Variants in FOXP2 observed in about 807,000 individuals in gnomAD.
FOXP2 encodes forkhead box P2, also known as forkhead box protein P2.
A neutral mutation model predicts 115.8 loss-of-function variants in FOXP2; 12 were observed. The ratio of observed to expected loss-of-function variants is 0.10; its 90% CI spans 0.07 to 0.17. FOXP2 has a LOEUF of 0.17. FOXP2 is among the 10% of genes least tolerant of loss of function. The pLI, the probability that FOXP2 is intolerant of heterozygous loss-of-function variation, is 1.00. For synonymous variants in FOXP2, 328 were observed against 297.7 expected (o/e 1.10, Z -1.05); for missense variants, 629 against 843.5 (o/e 0.75, Z 3.15).
chr7:114,328,594 C>T (rs957603043), intron 2 of FOXP2, among the ~76,000 whole-genome samples: 1 of 152,122 alleles, frequency 6.6e-6, no homozygotes, highest in African/African-American at 2.4e-5. Context: ...CAATAATAAT[C>T]CTTATAATGG....
chr7:114,137,888 A>G lies in FOXP2; in HGVS notation c.-246-25056A>G, dbSNP rs563308477. 6.0e-4 allele frequency among the ~76,000 whole-genome samples: 92 copies of G among 152,310 alleles called. 1 individual carries two copies. The highest frequency in any genetic ancestry group is 6.8e-3 in the Middle Eastern group (2 of 294). On this transcript the variant is annotated intron_variant, in intron 1 of 19. Coordinates refer to the FOXP2 transcript ENST00000635638. ...CTTGTCCTGCCAACTGAGAGGGCCTAGAAGCAACAGACATTAGTAGTGGCC... is the reference window on the plus strand; with the variant it reads ...CTTGTCCTGCCAACTGAGAGGGCCTGGAAGCAACAGACATTAGTAGTGGCC...
chr7:114,655,747 A>G (rs1156765084), intron 10 of FOXP2, among the ~76,000 whole-genome samples: 6 of 152,160 alleles, frequency 3.9e-5, no homozygotes, highest in Admixed American at 6.6e-5. Context: ...CCAAGGAGAA[A>G]TGAGCTCTGT....
At chr7:114,469,184 T>C (rs1795937442) in intron 2 of FOXP2, among the ~76,000 whole-genome samples, 1 of 152,162 alleles carries the variant, frequency 6.6e-6, no homozygotes, top group African/African-American at 2.4e-5. Flanking sequence ...GTTTTATAAA[T>C]GGAAGATCTA....
At chr7:114,672,197 A>T (rs1343122577) in intron 16 of FOXP2, among the ~76,000 whole-genome samples, 2 of 152,158 alleles carry the variant, frequency 1.3e-5, no homozygotes, top group Non-Finnish European at 2.9e-5. Flanking sequence ...ATCTTACTAT[A>T]AAAAAATGTA....
At chr7:114,220,763 C>T (rs917892628) in intron 1 of FOXP2, among the ~76,000 whole-genome samples, 1 of 152,142 alleles carries the variant, frequency 6.6e-6, no homozygotes, top group African/African-American at 2.4e-5. Flanking sequence ...GTTAAATACT[C>T]ACTTTAATTG....
intron 3 of FOXP2, among the ~76,000 whole-genome samples, chr7:114,549,517 T>A (rs1379692996): frequency 6.6e-6 from 1 of 152,210 alleles, no homozygotes; most frequent in African/African-American, 2.4e-5. Flanking sequence ...GTGAGGTCTC[T>A]ATGCTATATG....
chr7:114,287,223 A>G (rs1796487991), intron 1 of FOXP2, among the ~76,000 whole-genome samples: 1 of 151,934 alleles, frequency 6.6e-6, no homozygotes, highest in African/African-American at 2.4e-5. Context: ...CATAAAATAC[A>G]CTAACACTAA....
chr7:114,319,304 C>T lies in FOXP2; in HGVS notation c.-11+31195C>T, dbSNP rs545345811. ...CTGCCTTTGTGTTCTCCTCAGCTTCCTGGGGAAGCCCACAGTTCTTCAGAT... is the reference window on the plus strand; with the variant it reads ...CTGCCTTTGTGTTCTCCTCAGCTTCTTGGGGAAGCCCACAGTTCTTCAGAT... On this transcript the variant is annotated intron_variant, in intron 2 of 17. Coordinates refer to the FOXP2 transcript ENST00000634411. 6.6e-5 allele frequency among the ~76,000 whole-genome samples: 10 copies of T among 152,310 alleles called. No homozygotes were observed. In the East Asian group the frequency reaches 1.9e-3, roughly 29 times the overall value.
Position 114,631,710 on chromosome 7 carries a change from A to G in FOXP2, c.775+5A>G, listed in dbSNP as rs368798770. On this transcript the variant is annotated splice_donor_5th_base_variant and intron_variant, in intron 6 of 16. Transcript: ENST00000350908. ...CTGTCCAATCGCTGCCTCAAGGTAC[A>G]TACAAAATGTTGTGCACTCTTCATT... The G allele has an allele frequency of 5.0e-6, 8 of 1,613,884 alleles. No individual in the cohort carries two copies. The highest frequency in any genetic ancestry group is 1.1e-5 in the South Asian group (1 of 91,070).
chr7:114,221,941 T>A (rs959255013), intron 1 of FOXP2, among the ~76,000 whole-genome samples: 9 of 152,124 alleles, frequency 5.9e-5, no homozygotes, highest in African/African-American at 2.2e-4. Context: ...AGCCACTGAC[T>A]GCTTGTTTAT....
intron 2 of FOXP2, among the ~76,000 whole-genome samples, chr7:114,429,394 A>G (rs936636283): frequency 6.6e-6 from 1 of 151,538 alleles, no homozygotes; most frequent in African/African-American, 2.4e-5. Flanking sequence ...TTTAAAAAAA[A>G]GCCTTTTCTG....
At chr7:114,590,273 C>A (rs1036620881) in intron 3 of FOXP2, among the ~76,000 whole-genome samples, 1 of 152,098 alleles carries the variant, frequency 6.6e-6, no homozygotes, top group Non-Finnish European at 1.5e-5. Flanking sequence ...AAAAATATAA[C>A]CCAAAGAAAT....
At chr7:114,254,153 A>C (rs140776177) in intron 1 of FOXP2, among the ~76,000 whole-genome samples, 140,520 of 152,222 alleles carry the variant, frequency 0.92, 65,312 homozygotes, top group African/African-American at 0.98. Context: ...GAGTTTCTGC[A>C]GAGAGATCTG....
At chr7:114,235,216 T>G (rs1794980427) in intron 1 of FOXP2, among the ~76,000 whole-genome samples, 1 of 152,216 alleles carries the variant, frequency 6.6e-6, no homozygotes. Flanking sequence ...AATGTTTTTA[T>G]ACTGTTCTTA....
At chr7:114,204,400 A>G (rs1034185409) in intron 1 of FOXP2, among the ~76,000 whole-genome samples, 11 of 152,154 alleles carry the variant, frequency 7.2e-5, no homozygotes, top group Admixed American at 3.3e-4. Context: ...ACTAGTGGCT[A>G]CTATATTGGA....
intron 2 of FOXP2, among the ~76,000 whole-genome samples, chr7:114,369,952 G>A (rs1791964081): frequency 6.6e-6 from 1 of 152,086 alleles, no homozygotes; most frequent in Non-Finnish European, 1.5e-5. Flanking sequence ...ATTAGATGTT[G>A]TAAGTATTAT....
chr7:114,663,161 A>G (rs1034365331), intron 14 of FOXP2, among the ~76,000 whole-genome samples: 7 of 152,150 alleles, frequency 4.6e-5, no homozygotes, highest in Non-Finnish European at 2.9e-5. Context: ...CTTGCAAATG[A>G]AACCTTCACA....
intron 1 of FOXP2, among the ~76,000 whole-genome samples, chr7:114,152,807 C>G (rs932768391): frequency 3.9e-5 from 6 of 152,038 alleles, no homozygotes; most frequent in Non-Finnish European, 5.9e-5. Flanking sequence ...TGAAGTTTGA[C>G]ATGCCCAGAA....
chr7:114,240,216 T>C (rs1795115866), intron 1 of FOXP2, among the ~76,000 whole-genome samples: 1 of 152,156 alleles, frequency 6.6e-6, no homozygotes, highest in South Asian at 2.1e-4. Context: ...TTTCACCTTT[T>C]TGTTGGTTGG....
Sources: allele counts gnomAD v4.1 joint callset (sites outside exome capture counted in the v4.1 genomes callset), GRCh38; gene constraint gnomAD v4.1.1; transcripts MANE v1.5; gene names NCBI Gene and HGNC (gene_info 2026-07-23, HGNC 2026-07-21).